NLRC5: variants seen among roughly 807,000 people sequenced by gnomAD.
The protein encoded by NLRC5 is NLR family CARD domain containing 5.
NLRC5 carries 114 observed loss-of-function variants against 206.9 expected under a neutral mutation model. The observed-to-expected ratio is 0.55, with a 90% confidence interval of 0.47 to 0.64. The LOEUF (loss-of-function observed/expected upper bound fraction) is 0.64. NLRC5 is among the 30% of genes least tolerant of loss of function. The pLI, the probability that NLRC5 is intolerant of heterozygous loss-of-function variation, is 0.00. For synonymous variants in NLRC5, 952 were observed against 962.8 expected (o/e 0.99, Z 0.21); for missense variants, 2,008 against 2,305.5 (o/e 0.87, Z 2.64).
chr16:56,993,759 T>A (rs1358523230), intron 1 of NLRC5, among the ~76,000 whole-genome samples: 1 of 152,212 alleles, frequency 6.6e-6, no homozygotes, highest in Non-Finnish European at 1.5e-5. Flanking sequence ...ACTTTTTTAT[T>A]GGCTTTTGGT....
intron 1 of NLRC5, among the ~76,000 whole-genome samples, chr16:56,993,415 A>G (rs1347006045): frequency 1.3e-5 from 2 of 152,124 alleles, no homozygotes; most frequent in African/African-American, 4.8e-5. Context: ...TGCTATTTCA[A>G]CAGTGCTGTA....
At chr16:57,052,222 C>G (rs375766180) in intron 24 of NLRC5, among the ~76,000 whole-genome samples, 1 of 152,152 alleles carries the variant, frequency 6.6e-6, no homozygotes, top group South Asian at 2.1e-4. Flanking sequence ...CCTGTAATCC[C>G]GGCACTTTGG....
At chr16:57,055,187 T>A in intron 26 of NLRC5, 93 bp downstream of exon 26, 3 of 1,328,338 alleles carry the variant, frequency 2.3e-6, no homozygotes, top group Non-Finnish European at 3.2e-6. Context: ...GCAGACTGCC[T>A]ACCACAAAAC....
chr16:57,062,436 A>G, intron 32 of NLRC5: 2 of 276,214 alleles, frequency 7.2e-6, no homozygotes, highest in Non-Finnish European at 1.4e-5. Context: ...GACTCTTCTA[A>G]CCTGCGGCAT....
At position 57,079,066 on chromosome 16, in the gene NLRC5, C is replaced by T; in HGVS notation, c.5098C>T (p.Leu1700=). 1 of 1,614,186 alleles carries T rather than the reference C, an allele frequency of 6.2e-7. No individual in the cohort carries two copies. Among genetic ancestry groups the T allele is most frequent in the Admixed American group, 1.7e-5 (1 of 60,034 alleles). The part of the protein sequence containing the change: ...LRVLHLPFSH[L]GPGGALSLAQ... ...TTTCCCCAGCCTACCATTCAGCCAT[C>T]TGGGCCCAGGTGGGGCCCTGAGCCT... is the stretch of plus-strand genomic sequence containing the variant. Residue 1700 remains leucine (L), a synonymous_variant, in exon 44 of 49, where the codon CTG becomes TTG. Transcript: ENST00000688547.
At chr16:57,057,928 G>C in intron 27 of NLRC5, 137 bp from the exon 28 acceptor site, 1 of 695,676 alleles carries the variant, frequency 1.4e-6, no homozygotes. Flanking sequence ...TGGTGATGGT[G>C]GTGATGGTGG....
intron 1 of NLRC5, among the ~76,000 whole-genome samples, chr16:56,997,940 A>G (rs1337086817): frequency 6.6e-6 from 1 of 151,972 alleles, no homozygotes; most frequent in East Asian, 1.9e-4. Context: ...ACAAAGCATT[A>G]CTCCTGCTTG....
At position 57,006,413 on chromosome 16, in the gene NLRC5, C is replaced by CTTTTTTTTTTTTTTTTTTT. The variant is rs58713490; in HGVS notation, c.-127-10656_-127-10638dup. 2.2e-5 allele frequency among the ~76,000 whole-genome samples: 2 copies of CTTTTTTTTTTTTTTTTTTT among 90,818 alleles called. 1 individual carries two copies. Among genetic ancestry groups the CTTTTTTTTTTTTTTTTTTT allele is most frequent in the Non-Finnish European group, 4.1e-5 (2 of 48,674 alleles). 59.6% of individuals were successfully genotyped at this position (90,818 alleles called of 152,430 possible). On this transcript the variant is annotated intron_variant, in intron 1 of 48. Transcript: ENST00000688547. Reference sequence around the variant, plus strand: ...ATTCCATAAAGTTCATCTTCATCCTCTTTTTTTTTTTTTTTTTTTTTTTGA... The same window carrying CTTTTTTTTTTTTTTTTTTT: ...ATTCCATAAAGTTCATCTTCATCCTCTTTTTTTTTTTTTTTTTTTTTTTTTTTTTTTTTTTTTTTTTTGA...
At chr16:57,037,414 G>A (rs1415319337) in intron 15 of NLRC5, 130 bp downstream of exon 15, 34 of 792,114 alleles carry the variant, frequency 4.3e-5, no homozygotes, top group African/African-American at 1.2e-4. Flanking sequence ...CCCAGACCCC[G>A]TTACAGCCGG....
intron 2 of NLRC5, among the ~76,000 whole-genome samples, chr16:57,019,087 A>G (rs534971423): frequency 6.6e-6 from 1 of 152,262 alleles, no homozygotes; most frequent in East Asian, 1.9e-4. Context: ...GTACTTCTAG[A>G]AGGAGGTGGT....
intron 1 of NLRC5, chr16:57,013,112 T>C (rs2059671321): frequency 6.5e-6 from 2 of 309,976 alleles, no homozygotes; most frequent in South Asian, 3.4e-5. Flanking sequence ...ATCACAATTA[T>C]AGTGAATAGT....
chr16:57,072,882 A>G (rs1240162846), intron 38 of NLRC5, among the ~76,000 whole-genome samples: 1 of 151,980 alleles, frequency 6.6e-6, no homozygotes, highest in African/African-American at 2.4e-5. Context: ...GCCCCTTAAC[A>G]TTGAAATTCT....
chr16:57,058,513 A>C, intron 28 of NLRC5: 2 of 338,396 alleles, frequency 5.9e-6, no homozygotes, highest in South Asian at 3.6e-5. Context: ...AATTCTTCTG[A>C]CCCAATCTGT....
intron 1 of NLRC5, among the ~76,000 whole-genome samples, chr16:57,008,934 A>T (rs1262652859): frequency 1.3e-5 from 2 of 152,216 alleles, no homozygotes; most frequent in Non-Finnish European, 2.9e-5. Context: ...ACGGCTGGTG[A>T]ATCTAAAAAG....
At chr16:57,032,514 T>A (rs1251840271) in intron 11 of NLRC5, among the ~76,000 whole-genome samples, 1 of 152,166 alleles carries the variant, frequency 6.6e-6, no homozygotes, top group Non-Finnish European at 1.5e-5. Flanking sequence ...AAAATTTTAA[T>A]GCTATTTCAA....
At chr16:57,006,898 ATTATTATTATTATTATTAT>A in intron 1 of NLRC5, among the ~76,000 whole-genome samples, 1 of 148,108 alleles carries the variant, frequency 6.8e-6, no homozygotes, top group East Asian at 2.0e-4. Flanking sequence ...CATTATTATT[ATTATTATTATTATTATTAT>A]TTCACATTAT....
At chr16:57,048,978 A>C (rs2064413415) in intron 23 of NLRC5, among the ~76,000 whole-genome samples, 1 of 152,154 alleles carries the variant, frequency 6.6e-6, no homozygotes, top group Admixed American at 6.5e-5. Context: ...AAGTTACTCC[A>C]CCACACCCTT....
chr16:57,059,624 TCTC>T lies in NLRC5; in HGVS notation c.3986+98_3986+100del, dbSNP rs1597395843. 16 of 1,237,154 alleles carry T rather than the reference TCTC, an allele frequency of 1.3e-5. No individual in the cohort carries two copies. The East Asian group carries it at 4.0e-4, about 31-fold the overall frequency. The allele number at this position is 1,237,154 out of a possible 1,614,324, so 76.6% of individuals were successfully genotyped here. On this transcript the variant is annotated intron_variant, in intron 30 of 48. Transcript: ENST00000688547. The stretch of plus-strand genomic sequence containing the variant: ...CCATGGCCCCCTCTTCCCTGGGCCC[TCTC>T]CTCCTTTAGAGAGCAGCTTCAAGCT...
At chr16:56,996,195 G>T (rs145283538) in intron 1 of NLRC5, among the ~76,000 whole-genome samples, 1,616 of 151,978 alleles carry the variant, frequency 0.011, 17 homozygotes, top group Non-Finnish European at 0.017. Context: ...TCTAGACAAG[G>T]TCTCACTCTG....
Sources: gnomAD v4.1 joint callset for allele counts (sites outside exome capture counted in the v4.1 genomes callset) on GRCh38, gnomAD v4.1.1 for gene constraint, MANE v1.5 for transcripts, NCBI Gene and HGNC (gene_info 2026-07-23, HGNC 2026-07-21) for gene names.